NELL1: variants seen among roughly 807,000 people sequenced by gnomAD.
The protein encoded by NELL1 is protein kinase C-binding protein NELL1.
In NELL1, 76 loss-of-function variants were observed where a neutral mutation model predicts 107.4. That is an observed-to-expected ratio of 0.71 (90% CI 0.59 to 0.86). The LOEUF (loss-of-function observed/expected upper bound fraction) is 0.86, where lower values mean the gene tolerates loss of function less well. Ranked by LOEUF, NELL1 falls within the 40% of genes least tolerant of loss-of-function variation. The pLI, the probability that NELL1 is intolerant of heterozygous loss-of-function variation, is 0.00. For missense variants in NELL1, 1,024 were observed against 1,005.5 expected, an observed-to-expected ratio of 1.02 and a Z score of -0.25; for synonymous variants, 353 against 341.2, an observed-to-expected ratio of 1.03 and a Z score of -0.38.
rs754213191 is a variant in NELL1, at chr11:21,246,320, G to C, written c.1549+16866G>C. Among the ~76,000 whole-genome samples, 2 of 152,120 alleles carry C rather than the reference G, an allele frequency of 1.3e-5. 1 individual carries two copies. The highest frequency in any genetic ancestry group is 2.9e-5 in the Non-Finnish European group (2 of 68,018). On this transcript the variant is annotated intron_variant, in intron 14 of 19. Transcript: ENST00000357134. ...AGTGGAGGTTAGATGTCAAGAAAAG[G>C]TTTATGTAACACTGAAATTGTCATG...
At chr11:20,715,637 T>C (rs752736663) in intron 2 of NELL1, among the ~76,000 whole-genome samples, 1 of 152,246 alleles carries the variant, frequency 6.6e-6, no homozygotes, top group Non-Finnish European at 1.5e-5. Context: ...CATCTGCCAA[T>C]GTGTCTTTTG....
chr11:20,887,709 C>A (rs553177160), intron 5 of NELL1, among the ~76,000 whole-genome samples: 35 of 152,266 alleles, frequency 2.3e-4, no homozygotes, highest in African/African-American at 7.9e-4. Flanking sequence ...AGACTTGACA[C>A]CCAGATTTAC....
At chr11:20,920,390 G>A (rs1049471129) in intron 7 of NELL1, among the ~76,000 whole-genome samples, 3 of 152,086 alleles carry the variant, frequency 2.0e-5, no homozygotes, top group African/African-American at 7.2e-5. Flanking sequence ...TGCTGCTGAA[G>A]ACAATGTTTC....
chr11:20,864,283 A>C (rs1011358273), intron 4 of NELL1, among the ~76,000 whole-genome samples: 1 of 152,234 alleles, frequency 6.6e-6, no homozygotes, highest in Non-Finnish European at 1.5e-5. Flanking sequence ...TAACAGATGC[A>C]TTCTCTCACA....
chr11:21,229,374 A>T lies in NELL1; in HGVS notation c.1469A>T (p.Asn490Ile), dbSNP rs1312172234. 3.7e-6 allele frequency: 6 copies of T among 1,614,004 alleles called. No homozygotes were observed. The South Asian group carries it at 6.6e-5, about 18-fold the overall frequency. The change falls in exon 14 of 20, where the codon AAT (asparagine) becomes ATT (isoleucine). Residue 490 changes from asparagine to isoleucine, a missense_variant. Transcript: ENST00000357134. Reference sequence around the variant, plus strand: ...AGCGGCCAGCACAACTGTGATGAGAATGCCATCTGCACCAACACTGTCCAG... The same window carrying T: ...AGCGGCCAGCACAACTGTGATGAGATTGCCATCTGCACCAACACTGTCCAG... ...CGSGQHNCDE[N>I]AICTNTVQGH...
At chr11:21,429,164 TA>T (rs897169452) in intron 15 of NELL1, among the ~76,000 whole-genome samples, 13 of 152,310 alleles carry the variant, frequency 8.5e-5, no homozygotes, top group Admixed American at 3.9e-4. Flanking sequence ...TTTATTCATG[TA>T]AAAAATGGTT....
chr11:20,895,667 G>C (rs546552967), intron 5 of NELL1, among the ~76,000 whole-genome samples: 1 of 151,190 alleles, frequency 6.6e-6, no homozygotes, highest in Non-Finnish European at 1.5e-5. Context: ...CACCATGCCC[G>C]GCTAATTTTT....
chr11:20,790,545 G>A (rs1857053104), intron 3 of NELL1, among the ~76,000 whole-genome samples: 1 of 152,236 alleles, frequency 6.6e-6, no homozygotes, highest in South Asian at 2.1e-4. Context: ...CACAGCTGCA[G>A]CTGTGAAGGG....
intron 3 of NELL1, among the ~76,000 whole-genome samples, chr11:20,830,811 A>T (rs1249247973): frequency 6.6e-6 from 1 of 152,180 alleles, no homozygotes; most frequent in African/African-American, 2.4e-5. Context: ...GAACTTTTCC[A>T]GTCTCAGGAT....
intron 13 of NELL1, among the ~76,000 whole-genome samples, chr11:21,118,592 G>C (rs1459569506): frequency 6.6e-6 from 1 of 152,034 alleles, no homozygotes; most frequent in Admixed American, 6.6e-5. Flanking sequence ...CTTTTCAAAT[G>C]TTTCATTGCC....
intron 12 of NELL1, among the ~76,000 whole-genome samples, chr11:21,011,216 G>C (rs1401937946): frequency 1.3e-5 from 2 of 152,038 alleles, no homozygotes; most frequent in Non-Finnish European, 2.9e-5. Flanking sequence ...CTATGATGAA[G>C]TCTTTCTGGA....
intron 12 of NELL1, among the ~76,000 whole-genome samples, chr11:21,068,664 G>C (rs909249745): frequency 6.6e-6 from 1 of 152,182 alleles, no homozygotes; most frequent in Non-Finnish European, 1.5e-5. Flanking sequence ...GGGCTGCTGA[G>C]CAAAAAGGCC....
intron 12 of NELL1, among the ~76,000 whole-genome samples, chr11:20,961,447 T>TA (rs1200915692): frequency 6.6e-6 from 1 of 152,170 alleles, no homozygotes; most frequent in Non-Finnish European, 1.5e-5. Context: ...CTGTCTTCAT[T>TA]AATAATACCT....
At chr11:20,956,022 C>G in intron 11 of NELL1, among the ~76,000 whole-genome samples, 1 of 151,152 alleles carries the variant, frequency 6.6e-6, no homozygotes, top group African/African-American at 2.4e-5. Flanking sequence ...AGTTAGAGAC[C>G]AGCCTGGCCA....
intron 5 of NELL1, among the ~76,000 whole-genome samples, chr11:20,908,296 C>T (rs779414162): frequency 1.1e-4 from 17 of 152,094 alleles, no homozygotes; most frequent in Non-Finnish European, 2.2e-4. Context: ...AGACATGGAA[C>T]TAACCCAAAT....
At chr11:20,844,543 A>G (rs903262308) in intron 3 of NELL1, among the ~76,000 whole-genome samples, 8 of 152,144 alleles carry the variant, frequency 5.3e-5, no homozygotes, top group African/African-American at 1.9e-4. Context: ...GTCCTGAAGA[A>G]TGAGGACTGG....
chr11:21,556,755 GAAAA>G (rs1402347089), intron 16 of NELL1, among the ~76,000 whole-genome samples: 8 of 151,794 alleles, frequency 5.3e-5, no homozygotes, highest in African/African-American at 1.9e-4. Flanking sequence ...GAATTTTATT[GAAAA>G]AATATTTCAT....
At chr11:21,572,150 G>A (rs1294057905) in intron 18 of NELL1, among the ~76,000 whole-genome samples, 1 of 151,784 alleles carries the variant, frequency 6.6e-6, no homozygotes, top group Non-Finnish European at 1.5e-5. Flanking sequence ...TATGAGACTG[G>A]CAAATTGCAT....
At chr11:20,723,962 G>A (rs924622376) in intron 2 of NELL1, among the ~76,000 whole-genome samples, 4 of 152,226 alleles carry the variant, frequency 2.6e-5, no homozygotes, top group Admixed American at 2.0e-4. Context: ...TGAGGCCACA[G>A]CTCAAGCTGT....
Sources: allele counts gnomAD v4.1 joint callset (sites outside exome capture counted in the v4.1 genomes callset), GRCh38; gene constraint gnomAD v4.1.1; transcripts MANE v1.5; gene names NCBI Gene and HGNC (gene_info 2026-07-23, HGNC 2026-07-21).